GPC3: variants seen among roughly 807,000 people sequenced by gnomAD.
The protein encoded by GPC3 is glypican 3.
Under a neutral mutation model 34.4 loss-of-function variants are expected in GPC3, and 3 were observed. The ratio of observed to expected loss-of-function variants is 0.09; its 90% CI spans 0.04 to 0.23. The LOEUF is 0.23. GPC3 is among the 10% of genes least tolerant of loss of function. The pLI, the probability that GPC3 is intolerant of heterozygous loss-of-function variation, is 1.00. For missense variants in GPC3, 351 were observed against 445.6 expected, an observed-to-expected ratio of 0.79 and a Z score of 1.91; for synonymous variants, 177 against 174.0, an observed-to-expected ratio of 1.02 and a Z score of -0.13.
chrX:133,550,743 T>C (rs1232752843), intron 7 of GPC3, among the ~76,000 whole-genome samples: 4 of 111,680 alleles, frequency 3.6e-5, no homozygotes, highest in Non-Finnish European at 7.5e-5. Flanking sequence ...ATGATTTCCT[T>C]AGGAGAAGGA....
intron 5 of GPC3, among the ~76,000 whole-genome samples, chrX:133,672,651 G>T (rs1283161917): frequency 8.9e-6 from 1 of 111,918 alleles, no homozygotes; most frequent in African/African-American, 3.2e-5. Flanking sequence ...TGGTGTGTTT[G>T]TTTGTTTGTT....
At chrX:133,625,014 T>C (rs776283577) in intron 6 of GPC3, among the ~76,000 whole-genome samples, 1 of 111,944 alleles carries the variant, frequency 8.9e-6, no homozygotes, top group Admixed American at 9.5e-5. Context: ...GTTCAACATA[T>C]GCAAATCAAT....
intron 2 of GPC3, among the ~76,000 whole-genome samples, chrX:133,757,379 T>C (rs2067082678): frequency 9.0e-6 from 1 of 111,500 alleles, no homozygotes; most frequent in African/African-American, 3.3e-5. Flanking sequence ...CAGATGTGGC[T>C]TGATGGTGAA....
chrX:133,640,140 G>C (rs994670577), intron 6 of GPC3, among the ~76,000 whole-genome samples: 1 of 111,906 alleles, frequency 8.9e-6, no homozygotes. Flanking sequence ...CCTGTCTTAG[G>C]CACAGTAAAT....
At chrX:133,781,031 A>T (rs956815271) in intron 2 of GPC3, among the ~76,000 whole-genome samples, 17 of 111,817 alleles carry the variant, frequency 1.5e-4, no homozygotes, top group Non-Finnish European at 3.0e-4. Flanking sequence ...TTCAGAAATG[A>T]TGTTCTCAGT....
intron 2 of GPC3, among the ~76,000 whole-genome samples, chrX:133,832,920 C>A (rs1158662630): frequency 8.9e-6 from 1 of 112,138 alleles, no homozygotes. Context: ...CTCACACACT[C>A]CAAAGTGCTG....
chrX:133,983,940 A>G (rs749279451), intron 1 of GPC3, among the ~76,000 whole-genome samples: 53 of 113,209 alleles, frequency 4.7e-4, no homozygotes, highest in Middle Eastern at 4.6e-3. Flanking sequence ...AGGGTGACCA[A>G]TTACCTTTGC....
intron 1 of GPC3, among the ~76,000 whole-genome samples, chrX:133,983,632 C>A (rs1213288440): frequency 1.8e-5 from 2 of 111,987 alleles, no homozygotes; most frequent in African/African-American, 6.5e-5. Flanking sequence ...AACCCCAACC[C>A]TGGACCCATT....
intron 6 of GPC3, among the ~76,000 whole-genome samples, chrX:133,600,346 T>C (rs760786858): frequency 8.9e-6 from 1 of 112,112 alleles, no homozygotes; most frequent in South Asian, 3.7e-4. Context: ...CTAAGACACA[T>C]AGCTAATCTT....
At chrX:133,550,377 T>C (rs1185306752) in intron 7 of GPC3, among the ~76,000 whole-genome samples, 1 of 111,419 alleles carries the variant, frequency 9.0e-6, no homozygotes, top group African/African-American at 3.3e-5. Flanking sequence ...CCTTCCCTTC[T>C]CACTTCAAGC....
rs764189877 is a variant in GPC3, at chrX:133,915,259, C to T, written c.337+37791G>A. Among the ~76,000 whole-genome samples, 627 of 109,855 alleles carry T rather than the reference C, an allele frequency of 5.7e-3. 4 individuals carry two copies. Among genetic ancestry groups the T allele is most frequent in the Non-Finnish European group, 9.2e-3 (486 of 52,721 alleles). On this transcript the variant is annotated intron_variant, in intron 2 of 7. Transcript: ENST00000370818. The stretch of plus-strand genomic sequence containing the variant: ...CGCAATCTCAGCTCACTGCAACCTC[C>T]GCCTCCTGGGTTCAAGCAATTCTCC...
chrX:133,714,093 A>G (rs1474667759), intron 3 of GPC3, among the ~76,000 whole-genome samples: 1 of 111,956 alleles, frequency 8.9e-6, no homozygotes, highest in Non-Finnish European at 1.9e-5. Context: ...CCTTTAAGAA[A>G]GTATCACTTG....
At chrX:133,637,206 G>A (rs1329723589) in intron 6 of GPC3, among the ~76,000 whole-genome samples, 3 of 111,417 alleles carry the variant, frequency 2.7e-5, no homozygotes, top group Admixed American at 9.5e-5. Context: ...GGTGGCTCAC[G>A]CCTGTAATCC....
intron 2 of GPC3, among the ~76,000 whole-genome samples, chrX:133,815,996 T>C (rs2124531420): frequency 8.9e-6 from 1 of 111,772 alleles, no homozygotes; most frequent in African/African-American, 3.3e-5. Flanking sequence ...CCTCTCTCTC[T>C]CCTTCTGTGA....
intron 3 of GPC3, chrX:133,704,294 G>A (rs1356836165): frequency 4.2e-6 from 4 of 946,440 alleles, no homozygotes; most frequent in African/African-American, 2.0e-5. Context: ...AAAAAAAGGT[G>A]AAAATTACTT....
chrX:133,927,317 C>A (rs755620848), intron 2 of GPC3, among the ~76,000 whole-genome samples: 21 of 108,783 alleles, frequency 1.9e-4, no homozygotes, highest in Non-Finnish European at 3.6e-4. Context: ...TGGTATGACC[C>A]CATTTATGTA....
intron 2 of GPC3, among the ~76,000 whole-genome samples, chrX:133,771,420 G>A (rs1056659997): frequency 2.7e-5 from 3 of 112,166 alleles, no homozygotes; most frequent in Admixed American, 9.4e-5. Context: ...ATGCCTGAGG[G>A]CCCCTCTGTG....
At chrX:133,726,900 C>T (rs975147913) in intron 3 of GPC3, among the ~76,000 whole-genome samples, 11 of 111,924 alleles carry the variant, frequency 9.8e-5, no homozygotes, top group Admixed American at 1.9e-4. Context: ...TCATGACTGA[C>T]ACCTGTATGT....
chrX:133,847,801 G>A (rs1475001064), intron 2 of GPC3, among the ~76,000 whole-genome samples: 1 of 111,870 alleles, frequency 8.9e-6, no homozygotes, highest in Non-Finnish European at 1.9e-5. Flanking sequence ...TTATTTCTCT[G>A]GTTCCTGTTT....
Sources: gnomAD v4.1 joint callset for allele counts (sites outside exome capture counted in the v4.1 genomes callset) on GRCh38, gnomAD v4.1.1 for gene constraint, MANE v1.5 for transcripts, NCBI Gene and HGNC (gene_info 2026-07-23, HGNC 2026-07-21) for gene names.